Variants in MILR1 observed in about 807,000 individuals in gnomAD.
The protein encoded by MILR1 is allergin-1.
In MILR1, 31 loss-of-function variants were observed where a neutral mutation model predicts 18.5. The ratio of observed to expected loss-of-function variants is 1.68; its 90% CI spans 1.26 to 2.26. The LOEUF (loss-of-function observed/expected upper bound fraction) is 2.26. Among genes scored for constraint, MILR1 ranks in the 30% most tolerant of loss-of-function variants. The probability of loss-of-function intolerance (pLI) is 0.00; values close to 1 mark genes in which losing one functional copy is unlikely to be tolerated. For synonymous variants in MILR1, 85 were observed against 56.2 expected (o/e 1.51, Z -2.30); for missense variants, 257 against 157.4 (o/e 1.63, Z -3.38).
At chr17:64,480,272 GA>G in the MILR1 span, 1 of 1,229,902 alleles carries the variant, frequency 8.1e-7, no homozygotes. Flanking sequence ...ACTCTTTAAT[GA>G]AAATACAATT....
chr17:64,488,771 C>T, the MILR1 span, among the ~76,000 whole-genome samples: 1 of 151,932 alleles, frequency 6.6e-6, no homozygotes, highest in Admixed American at 6.6e-5. Context: ...TTAAAAATTC[C>T]AGCCTGGTCA....
chr17:64,477,002 TATAAAC>T, the MILR1 span, among the ~76,000 whole-genome samples: 4 of 152,230 alleles, frequency 2.6e-5, no homozygotes, highest in East Asian at 1.9e-4. Context: ...AAAGATTTCT[TATAAAC>T]ATAGATATTA....
the MILR1 span, among the ~76,000 whole-genome samples, chr17:64,488,914 C>T: frequency 6.6e-6 from 1 of 151,942 alleles, no homozygotes; most frequent in Non-Finnish European, 1.5e-5. Flanking sequence ...CACTGCACTC[C>T]AGCCTGGGCA....
At chr17:64,475,611 T>C in the MILR1 span, among the ~76,000 whole-genome samples, 5 of 145,888 alleles carry the variant, frequency 3.4e-5, no homozygotes, top group African/African-American at 1.3e-4. Context: ...TTTGCGCCAC[T>C]GTACTCCAGC....
chr17:64,476,168 A>T, the MILR1 span, among the ~76,000 whole-genome samples: 2 of 152,156 alleles, frequency 1.3e-5, no homozygotes, highest in Admixed American at 6.5e-5. Context: ...GAGAATTATA[A>T]AGCAAGTCTC....
the MILR1 span, among the ~76,000 whole-genome samples, chr17:64,495,296 G>A: frequency 6.6e-6 from 1 of 151,892 alleles, no homozygotes; most frequent in African/African-American, 2.4e-5. Context: ...TAAAAATCAT[G>A]AGGCTGGGCA....
At chr17:64,487,768 A>G in the MILR1 span, among the ~76,000 whole-genome samples, 4 of 152,218 alleles carry the variant, frequency 2.6e-5, no homozygotes. Flanking sequence ...TTGGGAGGCC[A>G]GGGCAGGAGG....
the MILR1 span, chr17:64,487,033 T>C: frequency 6.6e-6 from 1 of 152,120 alleles, no homozygotes; most frequent in Non-Finnish European, 1.5e-5. Flanking sequence ...TGGATATTCA[T>C]GTAATTTTTA....
Position 64,466,796 on chromosome 17 carries a change from A to G in MILR1, c.979+134A>G, listed in dbSNP as rs1204413682. ...AATGCAGGCACACTGCAAGGAACCA[A>G]TGGCAACCAGCACCCCAGCTCCTAA... On this transcript the variant is annotated intron_variant, in intron 8 of 9. Coordinates refer to ENST00000619286, the MANE Select transcript of MILR1 (RefSeq NM_001085423.2). 4.3e-6 allele frequency: 3 copies of G among 699,146 alleles called. No homozygotes were observed. In the Admixed American group the frequency reaches 8.1e-5, roughly 19 times the overall value. The allele number at this position is 699,146 out of a possible 1,614,324, so 43.3% of individuals were successfully genotyped here.
At chr17:64,451,799 G>A (rs1008421150) in intron 2 of MILR1, among the ~76,000 whole-genome samples, 1 of 151,936 alleles carries the variant, frequency 6.6e-6, no homozygotes, top group Admixed American at 6.6e-5. Context: ...TGGGCATGGT[G>A]GTGTGTGCCT....
the MILR1 span, chr17:64,482,784 T>G: frequency 1.5e-6 from 1 of 652,130 alleles, no homozygotes; most frequent in South Asian, 1.7e-5. Context: ...ATCAGAACAT[T>G]TAAGATTTTG....
chr17:64,452,933 C>T (rs934951278), intron 3 of MILR1, 67 bp downstream of exon 3: 83 of 456,476 alleles, frequency 1.8e-4, no homozygotes, highest in Non-Finnish European at 2.8e-4. Context: ...CTATGAGGGG[C>T]TCTCCATGAT....
intron 5 of MILR1, among the ~76,000 whole-genome samples, chr17:64,461,607 A>G (rs900617894): frequency 6.6e-5 from 10 of 152,138 alleles, no homozygotes; most frequent in Non-Finnish European, 1.5e-4. Flanking sequence ...TAATGGTGGT[A>G]AAATATACAT....
chr17:64,494,983 C>T, the MILR1 span, among the ~76,000 whole-genome samples: 4 of 151,170 alleles, frequency 2.6e-5, no homozygotes, highest in African/African-American at 9.7e-5. Context: ...ACCATCCTGG[C>T]TAACAAGGTG....
At position 64,457,362 on chromosome 17, in the gene MILR1, T is replaced by A. The variant is rs2037322451; in HGVS notation, c.368-38T>A. ...TTGTGGTCTGAGTGAGCACACCCAGTCTGTTTATCCTTTTCATGTTCACTT... is the reference window on the plus strand; with the variant it reads ...TTGTGGTCTGAGTGAGCACACCCAGACTGTTTATCCTTTTCATGTTCACTT... On this transcript the variant is annotated intron_variant, in intron 3 of 9. Coordinates refer to ENST00000619286, the MANE Select transcript of MILR1 (RefSeq NM_001085423.2). 3.4e-5 allele frequency: 16 copies of A among 468,372 alleles called. No homozygotes were observed. The South Asian group carries it at 1.1e-3, about 34-fold the overall frequency. 29.0% of individuals were successfully genotyped at this position (468,372 alleles called of 1,614,324 possible). A position where few individuals can be genotyped will look rare whatever the true frequency, so the allele number is the denominator to read the frequency against.
At chr17:64,491,082 C>A in the MILR1 span, 2 of 827,890 alleles carry the variant, frequency 2.4e-6, no homozygotes, top group Non-Finnish European at 4.0e-6. Flanking sequence ...AGCAAATGTG[C>A]GAAACTAGTC....
chr17:64,490,778 G>T, the MILR1 span: 2 of 1,594,700 alleles, frequency 1.3e-6, no homozygotes, highest in Non-Finnish European at 8.6e-7. Context: ...ATACATAGGA[G>T]CTCCAGGTAA....
chr17:64,481,860 G>A, the MILR1 span, among the ~76,000 whole-genome samples: 55 of 151,782 alleles, frequency 3.6e-4, no homozygotes, highest in East Asian at 7.2e-3. Flanking sequence ...GGGTAACAGA[G>A]CAAGACTCCG....
the MILR1 span, among the ~76,000 whole-genome samples, chr17:64,474,561 T>TA: frequency 3.9e-5 from 6 of 151,900 alleles, no homozygotes; most frequent in African/African-American, 7.3e-5. Context: ...CTTTTTTTTT[T>TA]AGAGATGTGG....
Sources: allele counts gnomAD v4.1 joint callset (sites outside exome capture counted in the v4.1 genomes callset), GRCh38; gene constraint gnomAD v4.1.1; transcripts MANE v1.5; gene names NCBI Gene and HGNC (gene_info 2026-07-23, HGNC 2026-07-21).